Variants in DYM observed in about 807,000 individuals in gnomAD.
DYM encodes dyggve-Melchior-Clausen syndrome protein.
Under a neutral mutation model 93.1 loss-of-function variants are expected in DYM, and 78 were observed. The ratio of observed to expected loss-of-function variants is 0.84; its 90% confidence interval spans 0.70 to 1.01. The LOEUF is 1.01. Among genes scored for constraint, DYM ranks in the 50% least tolerant of loss-of-function variants. DYM has a pLI of 0.00. For synonymous variants in DYM, 321 were observed against 319.7 expected (o/e 1.00, Z -0.04); for missense variants, 789 against 845.0 (o/e 0.93, Z 0.82).
chr18:49,175,760 G>C (rs764665217), intron 14 of DYM, among the ~76,000 whole-genome samples: 1 of 152,160 alleles, frequency 6.6e-6, no homozygotes, highest in Non-Finnish European at 1.5e-5. Context: ...TGTTCTAGTA[G>C]AACCTACTGC....
chr18:49,150,349 G>C (rs567422448), intron 15 of DYM, among the ~76,000 whole-genome samples: 1 of 152,304 alleles, frequency 6.6e-6, no homozygotes, highest in Non-Finnish European at 1.5e-5. Context: ...TTGGAGAGGG[G>C]GTGTTTGGGA....
chr18:49,320,269 A>G (rs1165805410), intron 8 of DYM, among the ~76,000 whole-genome samples: 2 of 152,188 alleles, frequency 1.3e-5, no homozygotes, highest in Non-Finnish European at 2.9e-5. Flanking sequence ...ACTTATTATG[A>G]AAATAGTCAA....
intron 17 of DYM, among the ~76,000 whole-genome samples, chr18:49,091,395 T>C (rs1018475604): frequency 6.6e-6 from 1 of 151,960 alleles, no homozygotes; most frequent in Non-Finnish European, 1.5e-5. Context: ...GCAGGCATGA[T>C]GGAGAGAGAG....
At chr18:49,220,807 A>G (rs1470794079) in intron 13 of DYM, among the ~76,000 whole-genome samples, 1 of 152,266 alleles carries the variant, frequency 6.6e-6, no homozygotes, top group Non-Finnish European at 1.5e-5. Flanking sequence ...AAACCCTAGA[A>G]GAAAACCTAG....
rs371457728 is a variant in DYM at position 49,277,983 on chromosome 18, G to A, written c.1125+4014C>T. On this transcript the variant is annotated intron_variant, in intron 10 of 17. Coordinates refer to ENST00000675505, the MANE Select transcript of DYM (RefSeq NM_001353214.3). ...ATAATCAGGAGCTGCTGATGAGGAA[G>A]TTGTAGGAACAGATGTTAGATCACA... Among the ~76,000 whole-genome samples, 4 of 152,324 alleles carry A rather than the reference G, an allele frequency of 2.6e-5. No individual in the cohort carries two copies. The East Asian group carries it at 7.7e-4, about 29-fold the overall frequency.
At position 49,167,369 on chromosome 18, in the gene DYM, C is replaced by T. The variant is rs2088038719; in HGVS notation, c.1626-3582G>A. Among the ~76,000 whole-genome samples the T allele has an allele frequency of 2.6e-5, 4 of 152,082 alleles. 1 individual carries two copies. The South Asian group carries it at 8.3e-4, about 32-fold the overall frequency. ...CCCCAAGAAGCTGTGGATACTGCTT[C>T]TAGCTATCTTTAAGAAATTCTCTGT... On this transcript the variant is annotated intron_variant, in intron 14 of 17. Coordinates refer to ENST00000675505, the MANE Select transcript of DYM (RefSeq NM_001353214.3).
At chr18:49,197,700 A>T (rs2091598400) in intron 14 of DYM, among the ~76,000 whole-genome samples, 1 of 152,206 alleles carries the variant, frequency 6.6e-6, no homozygotes, top group Non-Finnish European at 1.5e-5. Flanking sequence ...TTCAAGGAGA[A>T]CTACAAACCA....
intron 14 of DYM, among the ~76,000 whole-genome samples, chr18:49,203,871 TAAAAAAA>T (rs71165370): frequency 0.018 from 1,115 of 63,548 alleles, 20 homozygotes; most frequent in African/African-American, 0.062. Context: ...TTTAAAAAAG[TAAAAAAA>T]AAAAAAAAAA....
At chr18:49,081,383 A>G (rs1373070823) in intron 17 of DYM, among the ~76,000 whole-genome samples, 2 of 150,562 alleles carry the variant, frequency 1.3e-5, no homozygotes, top group African/African-American at 4.9e-5. Context: ...GCGTGCCTGC[A>G]ATCGCAGGCA....
At chr18:49,391,557 T>G in intron 3 of DYM, 36 bp downstream of exon 3, 1 of 1,604,976 alleles carries the variant, frequency 6.2e-7, no homozygotes, top group Non-Finnish European at 8.5e-7. Flanking sequence ...AAACAAAATT[T>G]GAAAACAACA....
intron 2 of DYM, among the ~76,000 whole-genome samples, chr18:49,422,965 A>T (rs1379340436): frequency 6.6e-6 from 1 of 152,208 alleles, no homozygotes; most frequent in Admixed American, 6.5e-5. Flanking sequence ...TTCACACCCC[A>T]CTGTCAACAT....
At chr18:49,203,120 C>T (rs1600612956) in intron 14 of DYM, among the ~76,000 whole-genome samples, 1 of 61,374 alleles carries the variant, frequency 1.6e-5, no homozygotes, top group East Asian at 4.8e-4. Context: ...CCCGGCTGCC[C>T]CTACTGGGAT....
At chr18:49,440,373 G>C (rs889328143) in intron 1 of DYM, among the ~76,000 whole-genome samples, 1 of 121,234 alleles carries the variant, frequency 8.2e-6, no homozygotes, top group African/African-American at 3.3e-5. Context: ...ATATAATATA[G>C]CATATTATAT....
At chr18:49,142,020 A>C (rs2084559358) in intron 15 of DYM, among the ~76,000 whole-genome samples, 1 of 139,558 alleles carries the variant, frequency 7.2e-6, no homozygotes, top group Non-Finnish European at 1.6e-5. Context: ...CGCCCGGCTA[A>C]TTTTTTTTTT....
At chr18:49,255,798 A>C (rs2145106761) in intron 13 of DYM, among the ~76,000 whole-genome samples, 1 of 152,268 alleles carries the variant, frequency 6.6e-6, no homozygotes, top group East Asian at 1.9e-4. Flanking sequence ...ATCCTACAGG[A>C]AGTCAAAAAA....
intron 6 of DYM, among the ~76,000 whole-genome samples, chr18:49,343,432 C>T (rs529946042): frequency 1.2e-4 from 18 of 152,328 alleles, no homozygotes; most frequent in African/African-American, 4.3e-4. Flanking sequence ...CTGTCTTTGA[C>T]TTTATTATAA....
chr18:49,361,455 G>GGAC (rs2066011910), intron 6 of DYM, among the ~76,000 whole-genome samples: 1 of 152,198 alleles, frequency 6.6e-6, no homozygotes, highest in Non-Finnish European at 1.5e-5. Context: ...ATTCTGTGAT[G>GGAC]AGAAACATTA....
At chr18:49,329,801 C>CAAA (rs2063182432) in intron 8 of DYM, 1 of 152,168 alleles carries the variant, frequency 6.6e-6, no homozygotes, top group Non-Finnish European at 1.5e-5. Flanking sequence ...TCAATCCCAA[C>CAAA]AAAAATGAAT....
Position 49,043,920 on chromosome 18 carries a change from G to A in DYM, c.*135C>T. 1 of 1,079,656 alleles carries A rather than the reference G, an allele frequency of 9.3e-7. No individual in the cohort carries two copies. The highest frequency in any genetic ancestry group is 1.5e-5 in the South Asian group (1 of 66,444). The allele number at this position is 1,079,656 out of a possible 1,614,324, so 66.9% of individuals were successfully genotyped here. On this transcript the variant is annotated 3_prime_UTR_variant, in exon 18 of 18. Transcript: ENST00000675505. ...CAATTCTCCAAATCAAAGTGTGTGA[G>A]GAAAACACACTCGTGCAATCCTCTT...
Sources: allele counts gnomAD v4.1 joint callset (sites outside exome capture counted in the v4.1 genomes callset), GRCh38; gene constraint gnomAD v4.1.1; transcripts MANE v1.5; gene names NCBI Gene and HGNC (gene_info 2026-07-23, HGNC 2026-07-21).